The following EGF variants were observed in gnomAD, a reference collection of about 807,000 sequenced individuals.
The protein encoded by EGF is pro-epidermal growth factor.
Under a neutral mutation model 143.8 loss-of-function variants are expected in EGF, and 95 were observed. The observed-to-expected ratio is 0.66, with a 90% confidence interval of 0.56 to 0.78. EGF has a LOEUF of 0.78. Among genes scored for constraint, EGF ranks in the 30% least tolerant of loss-of-function variants. The pLI is 0.00. For missense variants in EGF, 1,320 were observed against 1,470.9 expected (o/e 0.90, Z 1.68); for synonymous variants, 510 against 510.5 (o/e 1.00, Z 0.01).
At chr4:109,950,379 A>G (rs1743675102) in intron 5 of EGF, among the ~76,000 whole-genome samples, 1 of 151,938 alleles carries the variant, frequency 6.6e-6, no homozygotes, top group South Asian at 2.1e-4. Flanking sequence ...GCATCCCAAC[A>G]ATTCTACTCC....
In EGF at chr4:110,005,036, C is replaced by CTTTTTTT. The variant is rs538062029; in HGVS notation, c.3291+432_3291+438dup. Among the ~76,000 whole-genome samples the CTTTTTTT allele has an allele frequency of 5.4e-3, 440 of 80,754 alleles. 2 individuals are homozygous for CTTTTTTT. Among genetic ancestry groups the CTTTTTTT allele is most frequent in the East Asian group, 0.01 (19 of 1,872 alleles). 53.0% of individuals were successfully genotyped at this position (80,754 alleles called of 152,430 possible). A position where few individuals can be genotyped will look rare whatever the true frequency, so the allele number is the denominator to read the frequency against. ...TTCTTTTCTTTTTCTTTTTCTCTGT[C>CTTTTTTT]TTTTTTTTTTTTTTTTTTTTTTTTG... On this transcript the variant is annotated intron_variant, in intron 22 of 23. Coordinates refer to ENST00000265171, the MANE Select transcript of EGF (RefSeq NM_001963.6).
intron 18 of EGF, among the ~76,000 whole-genome samples, chr4:109,990,985 C>G (rs1578363329): frequency 6.6e-6 from 1 of 152,188 alleles, no homozygotes; most frequent in East Asian, 1.9e-4. Context: ...ATTGGAGGGG[C>G]AGGGACACAT....
At chr4:109,963,910 A>G (rs1209136203) in intron 9 of EGF, among the ~76,000 whole-genome samples, 4 of 152,228 alleles carry the variant, frequency 2.6e-5, no homozygotes, top group African/African-American at 9.6e-5. Context: ...TTAACTTCTC[A>G]GGGCCTTCAT....
intron 11 of EGF, among the ~76,000 whole-genome samples, chr4:109,973,434 G>A (rs182122553): frequency 1.3e-5 from 2 of 151,982 alleles, no homozygotes; most frequent in African/African-American, 2.4e-5. Context: ...TCTCATCTTC[G>A]TTTGTTATTA....
rs952704687 is a variant in EGF, at chr4:109,994,983, G to A, written c.3005+103G>A. 19 of 1,461,662 alleles carry A rather than the reference G, an allele frequency of 1.3e-5. No homozygotes were observed. In the East Asian group the frequency reaches 1.8e-4, roughly 14 times the overall value. The allele number at this position is 1,461,662 out of a possible 1,614,324, so 90.5% of individuals were successfully genotyped here. A position where few individuals can be genotyped will look rare whatever the true frequency, so the allele number is the denominator to read the frequency against. On this transcript the variant is annotated intron_variant, in intron 20 of 23. Coordinates refer to ENST00000265171, the MANE Select transcript of EGF (RefSeq NM_001963.6). ...ACTCAGGATGTTTTTCTGCAATTAG[G>A]TGTTCTTTTGGAAAAATATAAACAT...
intron 22 of EGF, among the ~76,000 whole-genome samples, chr4:110,006,010 T>C (rs1753230985): frequency 6.6e-6 from 1 of 151,442 alleles, no homozygotes; most frequent in Non-Finnish European, 1.5e-5. Context: ...GTTTCCTTAT[T>C]TATTTATTTA....
At chr4:109,939,036 A>C (rs1741431925) in intron 1 of EGF, among the ~76,000 whole-genome samples, 1 of 152,170 alleles carries the variant, frequency 6.6e-6, no homozygotes. Context: ...TGCTGGGAGA[A>C]CCACTGCTCT....
chr4:109,995,854 A>G (rs998595887), intron 20 of EGF, among the ~76,000 whole-genome samples: 1 of 152,244 alleles, frequency 6.6e-6, no homozygotes, highest in African/African-American at 2.4e-5. Flanking sequence ...ATATTCTGTG[A>G]CAAAGTGTAT....
rs530568156 is a variant in EGF at position 109,943,821 on chromosome 4, A to G, written c.510-21A>G. 1.6e-5 allele frequency: 26 copies of G among 1,608,510 alleles called. No individual in the cohort carries two copies. The South Asian group carries it at 2.6e-4, about 16-fold the overall frequency. Reference sequence around the variant, plus strand: ...GCACTATACATTCATTTTTGGGTCTATGTAATGTGTTTGCCCTCAGGTTTA... The same window carrying G: ...GCACTATACATTCATTTTTGGGTCTGTGTAATGTGTTTGCCCTCAGGTTTA... On this transcript the variant is annotated intron_variant, in intron 3 of 23. Coordinates refer to ENST00000265171, the MANE Select transcript of EGF (RefSeq NM_001963.6).
chr4:109,957,594 A>G (rs559054473), intron 5 of EGF, among the ~76,000 whole-genome samples: 1 of 152,376 alleles, frequency 6.6e-6, no homozygotes, highest in African/African-American at 2.4e-5. Context: ...GCAAATGGGT[A>G]CAGACAAAGG....
rs1432559332 is a variant in EGF at position 109,999,799 on chromosome 4, G to A, written c.3126G>A (p.Val1042=). 1 of 1,613,950 alleles carries A rather than the reference G, an allele frequency of 6.2e-7. No homozygotes were observed. The change falls in exon 21 of 24, where the codon GTG becomes GTA. Residue 1042 remains valine (V), a synonymous_variant. Transcript: ENST00000265171. ...TCGTGGTGGCTGTCTGCGTGGTGGT[G>A]CTTGTCATGCTGCTCCTCCTGAGCC... ...KVIVVAVCVV[V]LVMLLLLSLW... is the part of the protein sequence containing the mutation.
chr4:109,986,674 A>G (rs1387151887), intron 16 of EGF, among the ~76,000 whole-genome samples: 1 of 152,072 alleles, frequency 6.6e-6, no homozygotes, highest in African/African-American at 2.4e-5. Context: ...CTACTGTGGT[A>G]TGTCAGATTC....
In EGF at chr4:109,919,287, G is replaced by GTCTCTCTC. The variant is rs58110007; in HGVS notation, c.127+5872_127+5879dup. Among the ~76,000 whole-genome samples, 123 of 75,894 alleles carry GTCTCTCTC rather than the reference G, an allele frequency of 1.6e-3. 2 individuals carry two copies. The highest frequency in any genetic ancestry group is 4.4e-3 in the East Asian group (13 of 2,954). 49.8% of individuals were successfully genotyped at this position (75,894 alleles called of 152,430 possible). A position where few individuals can be genotyped will look rare whatever the true frequency, so the allele number is the denominator to read the frequency against. On this transcript the variant is annotated intron_variant, in intron 1 of 23. Coordinates refer to ENST00000265171, the MANE Select transcript of EGF (RefSeq NM_001963.6). ...AGGTATTAGGAATGCATGCTTCTCT[G>GTCTCTCTC]TCTCTCTCTCTCTCTCTCTCTCTCT...
chr4:109,975,561 A>G (rs1314276924), intron 12 of EGF, among the ~76,000 whole-genome samples: 1 of 152,254 alleles, frequency 6.6e-6, no homozygotes, highest in African/African-American at 2.4e-5. Flanking sequence ...ATTGCATAAA[A>G]CTGGGTAACA....
chr4:109,940,875 T>C (rs920180418), intron 1 of EGF, 71 bp from the exon 2 acceptor site: 239 of 1,425,542 alleles, frequency 1.7e-4, no homozygotes, highest in Non-Finnish European at 2.2e-4. Context: ...TTGGTTGTCA[T>C]TGGGAAGTAT....
At chr4:109,943,208 T>C in intron 2 of EGF, 46 bp from the exon 3 acceptor site, 1 of 1,311,778 alleles carries the variant, frequency 7.6e-7, no homozygotes, top group Non-Finnish European at 1.1e-6. Context: ...AATTTTGTTG[T>C]GAATGGGGGA....
intron 1 of EGF, among the ~76,000 whole-genome samples, chr4:109,925,326 G>A (rs1007826259): frequency 6.6e-6 from 1 of 152,218 alleles, no homozygotes; most frequent in Admixed American, 6.5e-5. Flanking sequence ...TTATACTGTT[G>A]AATGGAAGTA....
At position 109,945,138 on chromosome 4, in the gene EGF, C is replaced by G; in HGVS notation, c.803C>G (p.Thr268Arg). 1 of 1,614,102 alleles carries G rather than the reference C, an allele frequency of 6.2e-7. No homozygotes were observed. Among genetic ancestry groups the G allele is most frequent in the African/African-American group, 1.3e-5 (1 of 75,014 alleles). Reference protein sequence around the residue: ...RIFYSTWKMKTIWIANKHTGK... With the variant: ...RIFYSTWKMKRIWIANKHTGK... ...TTCTATTCAACATGGAAAATGAAGA[C>G]AATTTGGATAGCCAACAAACACACT... is the stretch of plus-strand genomic sequence containing the variant. The change falls in exon 5 of 24, where the codon ACA becomes AGA. Residue 268 changes from threonine (T) to arginine (R), a missense_variant. Thr to Arg is a moderately conservative substitution (Grantham distance 71, BLOSUM62 -1). Coordinates refer to ENST00000265171, the MANE Select transcript of EGF (RefSeq NM_001963.6).
chr4:109,926,231 T>A (rs927339038), intron 1 of EGF, among the ~76,000 whole-genome samples: 3 of 152,064 alleles, frequency 2.0e-5, no homozygotes, highest in Non-Finnish European at 2.9e-5. Context: ...TATGTGACTG[T>A]AGTCTTGGCT....
Sources: gnomAD v4.1 joint callset for allele counts (sites outside exome capture counted in the v4.1 genomes callset) on GRCh38, gnomAD v4.1.1 for gene constraint, MANE v1.5 for transcripts, NCBI Gene and HGNC (gene_info 2026-07-23, HGNC 2026-07-21) for gene names.